Variants in ITGA8 observed in about 807,000 individuals in gnomAD.
ITGA8 encodes integrin alpha-8.
Under a neutral mutation model 142.3 loss-of-function variants are expected in ITGA8, and 91 were observed. That is an observed-to-expected ratio of 0.64 (90% confidence interval 0.54 to 0.76). The LOEUF (loss-of-function observed/expected upper bound fraction) is 0.76. Ranked by LOEUF, ITGA8 falls within the 30% of genes least tolerant of loss-of-function variation. The pLI is 0.00. For missense variants in ITGA8, 1,406 were observed against 1,327.7 expected, an observed-to-expected ratio of 1.06 and a Z score of -0.92; for synonymous variants, 505 against 485.2, an observed-to-expected ratio of 1.04 and a Z score of -0.54.
chr10:15,681,991 A>G (rs900846889), intron 4 of ITGA8, among the ~76,000 whole-genome samples: 4 of 152,236 alleles, frequency 2.6e-5, no homozygotes, highest in African/African-American at 9.6e-5. Flanking sequence ...CCAAGAGCAC[A>G]GCACTTTGAA....
intron 10 of ITGA8, among the ~76,000 whole-genome samples, chr10:15,657,907 A>G (rs1449932738): frequency 2.0e-5 from 3 of 152,220 alleles, no homozygotes; most frequent in Non-Finnish European, 4.4e-5. Context: ...GCCTGAATCT[A>G]TATCTTACTG....
chr10:15,536,628 A>G (rs1233163511), intron 27 of ITGA8, among the ~76,000 whole-genome samples: 1 of 152,218 alleles, frequency 6.6e-6, no homozygotes, highest in African/African-American at 2.4e-5. Flanking sequence ...TTTAGGATTG[A>G]AAACCCAGCT....
At chr10:15,697,714 T>C (rs1351123865) in intron 2 of ITGA8, among the ~76,000 whole-genome samples, 1 of 152,160 alleles carries the variant, frequency 6.6e-6, no homozygotes, top group Non-Finnish European at 1.5e-5. Flanking sequence ...TTATATAACT[T>C]TTATGTGTCA....
intron 13 of ITGA8, among the ~76,000 whole-genome samples, chr10:15,624,175 C>T (rs1274593922): frequency 6.6e-6 from 1 of 152,186 alleles, no homozygotes; most frequent in Non-Finnish European, 1.5e-5. Flanking sequence ...TTTTGACTTG[C>T]CCGTTGTCTC....
intron 12 of ITGA8, among the ~76,000 whole-genome samples, chr10:15,644,677 T>C (rs1232776076): frequency 2.7e-5 from 4 of 150,788 alleles, no homozygotes; most frequent in African/African-American, 9.7e-5. Flanking sequence ...AGAAATAGTT[T>C]AGTATACTCA....
intron 7 of ITGA8, 99 bp from the exon 8 acceptor site, chr10:15,671,746 A>G (rs1332750150): frequency 1.2e-6 from 1 of 839,848 alleles, no homozygotes; most frequent in Non-Finnish European, 1.9e-6. Flanking sequence ...GTACTGCTTT[A>G]TTTAGAAACC....
At chr10:15,636,867 G>T (rs1032353894) in intron 13 of ITGA8, among the ~76,000 whole-genome samples, 1 of 152,174 alleles carries the variant, frequency 6.6e-6, no homozygotes, top group African/African-American at 2.4e-5. Context: ...GAAAGAGGTC[G>T]GCCACGGTGG....
chr10:15,618,069 C>T (rs1833426296), intron 13 of ITGA8, among the ~76,000 whole-genome samples: 1 of 152,078 alleles, frequency 6.6e-6, no homozygotes. Flanking sequence ...CCACTGGGGA[C>T]TCCAAAATTG....
At chr10:15,673,859 C>T (rs528139163) in intron 6 of ITGA8, among the ~76,000 whole-genome samples, 12 of 148,796 alleles carry the variant, frequency 8.1e-5, no homozygotes, top group African/African-American at 2.6e-4. Flanking sequence ...TCTTGAAATA[C>T]GATTGCCTTG....
chr10:15,663,451 T>C (rs1330297778), intron 8 of ITGA8, among the ~76,000 whole-genome samples: 1 of 152,236 alleles, frequency 6.6e-6, no homozygotes, highest in Non-Finnish European at 1.5e-5. Context: ...CAGATATTTC[T>C]GAGATCTGAT....
At chr10:15,649,189 G>A (rs1374628859) in intron 11 of ITGA8, among the ~76,000 whole-genome samples, 1 of 151,880 alleles carries the variant, frequency 6.6e-6, no homozygotes, top group East Asian at 1.9e-4. Context: ...TATTGTAAAA[G>A]TAAAATGTAC....
rs779507417 is a variant in ITGA8, at chr10:15,718,908, G to A, written c.210-9C>T. The A allele has an allele frequency of 1.9e-6, 3 of 1,613,976 alleles. No homozygotes were observed. Among genetic ancestry groups the A allele is most frequent in the Non-Finnish European group, 2.5e-6 (3 of 1,180,022 alleles). ...CCACCAAGACACTCGCTCTGCAAAA[G>A]AGTTGGAGAAAGTCACTCTTTGGGC... is the stretch of plus-strand genomic sequence containing the variant. On this transcript the variant is annotated splice_polypyrimidine_tract_variant and intron_variant, in intron 1 of 29. Transcript: ENST00000378076.
At chr10:15,689,450 A>C (rs1834892985) in intron 2 of ITGA8, among the ~76,000 whole-genome samples, 1 of 152,108 alleles carries the variant, frequency 6.6e-6, no homozygotes, top group South Asian at 2.1e-4. Flanking sequence ...CAGAACCAGG[A>C]AGGAAAAGAT....
At chr10:15,528,761 T>C (rs1169981139) in intron 28 of ITGA8, among the ~76,000 whole-genome samples, 2 of 152,192 alleles carry the variant, frequency 1.3e-5, no homozygotes, top group African/African-American at 2.4e-5. Flanking sequence ...CATTTTTAGA[T>C]GAAACTTCTA....
chr10:15,560,042 G>T (rs1026627527), intron 25 of ITGA8, among the ~76,000 whole-genome samples: 5 of 152,118 alleles, frequency 3.3e-5, no homozygotes, highest in Non-Finnish European at 7.3e-5. Context: ...CACTTTGGGA[G>T]GCCGAGTCAG....
At chr10:15,596,916 ATATC>A (rs1052089284) in intron 21 of ITGA8, 3 of 305,100 alleles carry the variant, frequency 9.8e-6, no homozygotes, top group African/African-American at 6.4e-5. Flanking sequence ...TTTAAAGAAA[ATATC>A]TATAGTAAAA....
At chr10:15,657,509 C>CTTTTTTTTTTTTTTTTTT (rs534714654) in intron 10 of ITGA8, among the ~76,000 whole-genome samples, 5 of 116,498 alleles carry the variant, frequency 4.3e-5, no homozygotes, top group African/African-American at 6.4e-5. Context: ...TCTTTTCTTT[C>CTTTTTTTTTTTTTTTTTT]ATTTTTTTTT....
intron 13 of ITGA8, among the ~76,000 whole-genome samples, chr10:15,621,671 G>C (rs952060008): frequency 6.6e-6 from 1 of 152,128 alleles, no homozygotes; most frequent in African/African-American, 2.4e-5. Flanking sequence ...GAACGGTCAG[G>C]CCAAAGGGGA....
At chr10:15,553,483 G>A (rs1227386985) in intron 26 of ITGA8, among the ~76,000 whole-genome samples, 5 of 152,024 alleles carry the variant, frequency 3.3e-5, no homozygotes, top group Admixed American at 6.5e-5. Flanking sequence ...AGTGTTTAAG[G>A]CACACCTTTT....
Sources: allele counts gnomAD v4.1 joint callset (sites outside exome capture counted in the v4.1 genomes callset), GRCh38; gene constraint gnomAD v4.1.1; transcripts MANE v1.5; gene names NCBI Gene and HGNC (gene_info 2026-07-23, HGNC 2026-07-21).